The following MICAL3 variants were observed in gnomAD, a reference collection of about 807,000 sequenced individuals.
MICAL3 encodes the protein microtubule associated monooxygenase, calponin and LIM domain containing 3.
In MICAL3, 62 loss-of-function variants were observed where a neutral mutation model predicts 207.4. The ratio of observed to expected loss-of-function variants is 0.30; its 90% CI spans 0.24 to 0.37. MICAL3 has a LOEUF of 0.37. Ranked by LOEUF, MICAL3 falls within the 10% of genes least tolerant of loss-of-function variation. The pLI is 1.00. For missense variants in MICAL3, 2,368 were observed against 2,635.6 expected, an observed-to-expected ratio of 0.90 and a Z score of 2.22; for synonymous variants, 1,077 against 1,069.3, an observed-to-expected ratio of 1.01 and a Z score of -0.14.
chr22:18,017,485 G>A (rs1407555789), intron 1 of MICAL3, among the ~76,000 whole-genome samples: 1 of 152,024 alleles, frequency 6.6e-6, no homozygotes, highest in African/African-American at 2.4e-5. Context: ...AAAGTGCTGG[G>A]ATTACAGGCA....
intron 1 of MICAL3, among the ~76,000 whole-genome samples, chr22:17,988,955 C>T (rs905053081): frequency 6.6e-6 from 1 of 152,172 alleles, no homozygotes; most frequent in African/African-American, 2.4e-5. Context: ...GTCCAACCAG[C>T]TCATGGAACC....
intron 1 of MICAL3, among the ~76,000 whole-genome samples, chr22:17,934,736 A>C (rs1933435418): frequency 6.6e-6 from 1 of 152,232 alleles, no homozygotes; most frequent in African/African-American, 2.4e-5. Context: ...AATCTCCTTA[A>C]GCTGATAAGC....
At chr22:18,008,016 G>A (rs1293892034) in intron 1 of MICAL3, among the ~76,000 whole-genome samples, 1 of 151,462 alleles carries the variant, frequency 6.6e-6, no homozygotes, top group Non-Finnish European at 1.5e-5. Flanking sequence ...TGAAGCAGGT[G>A]GATCACTTGA....
intron 19 of MICAL3, among the ~76,000 whole-genome samples, chr22:17,859,054 A>G (rs1175231423): frequency 6.6e-6 from 1 of 152,170 alleles, no homozygotes; most frequent in East Asian, 1.9e-4. Context: ...GAGGCTACAG[A>G]CCTGGGGGGC....
chr22:17,828,390 G>A (rs1218582547), intron 21 of MICAL3, among the ~76,000 whole-genome samples: 1 of 152,242 alleles, frequency 6.6e-6, no homozygotes, highest in African/African-American at 2.4e-5. Flanking sequence ...TTCTGCAGCT[G>A]GAGCTGCTGC....
At chr22:17,808,734 C>T (rs1254916379) in intron 29 of MICAL3, 110 bp downstream of exon 29, 1 of 863,786 alleles carries the variant, frequency 1.2e-6, no homozygotes, top group East Asian at 2.7e-5. Context: ...CCCAGAAAAT[C>T]CTGCTGGAAA....
intron 1 of MICAL3, among the ~76,000 whole-genome samples, chr22:17,965,150 A>G (rs2146394852): frequency 7.0e-6 from 1 of 143,480 alleles, no homozygotes; most frequent in Admixed American, 7.6e-5. Context: ...AGAGTTTGAG[A>G]CCAGCCTGGG....
rs539665767 is a variant in MICAL3 at position 17,865,601 on chromosome 22, C to T, written c.2517+323G>A. Among the ~76,000 whole-genome samples, 430 of 152,356 alleles carry T rather than the reference C, an allele frequency of 2.8e-3. 2 individuals carry two copies. Among genetic ancestry groups the T allele is most frequent in the African/African-American group, 9.3e-3 (387 of 41,582 alleles). On this transcript the variant is annotated intron_variant, in intron 18 of 31. Coordinates refer to ENST00000441493, the MANE Select transcript of MICAL3 (RefSeq NM_015241.3). ...TCTAATCATGTGGAACATGAGGCGG[C>T]ATCACCCCAGTGGCAGGGTGTCCTC... is the stretch of plus-strand genomic sequence containing the variant.
chr22:17,966,763 G>A (rs1426746596), intron 1 of MICAL3, among the ~76,000 whole-genome samples: 1 of 152,202 alleles, frequency 6.6e-6, no homozygotes, highest in Admixed American at 6.5e-5. Flanking sequence ...AATGGTCCAT[G>A]AGTAATTATT....
chr22:18,011,652 C>A (rs1468968341), intron 1 of MICAL3, among the ~76,000 whole-genome samples: 1 of 151,610 alleles, frequency 6.6e-6, no homozygotes, highest in African/African-American at 2.4e-5. Flanking sequence ...AGGCAGATCA[C>A]GAGGTCAGGA....
At chr22:17,996,649 A>G (rs1922312398) in intron 1 of MICAL3, among the ~76,000 whole-genome samples, 1 of 152,064 alleles carries the variant, frequency 6.6e-6, no homozygotes, top group South Asian at 2.1e-4. Context: ...GTCTGACACC[A>G]CCCATCACCC....
intron 3 of MICAL3, 99 bp downstream of exon 3, chr22:17,904,533 G>A: frequency 1.1e-6 from 1 of 886,146 alleles, no homozygotes; most frequent in Non-Finnish European, 1.9e-6. Context: ...AAGAAATTGG[G>A]TGGCATATGA....
Position 17,883,019 on chromosome 22 carries a change from T to TG in MICAL3, c.2241+2858dup, listed in dbSNP as rs1367206296. Among the ~76,000 whole-genome samples, 15 of 152,300 alleles carry TG rather than the reference T, an allele frequency of 9.8e-5. No individual in the cohort carries two copies. The East Asian group carries it at 2.9e-3, about 29-fold the overall frequency. On this transcript the variant is annotated intron_variant, in intron 16 of 31. Transcript: ENST00000441493. ...TTCCCCCACTCGCCTATGTCACTCC[T>TG]GACCTCCCTCTCCCTCTGCTCCTCC...
At chr22:17,806,545 T>TA (rs924971377) in intron 29 of MICAL3, among the ~76,000 whole-genome samples, 19 of 152,174 alleles carry the variant, frequency 1.2e-4, no homozygotes, top group Admixed American at 3.3e-4. Context: ...AGTAAGCTGT[T>TA]AAAAAAACCA....
intron 29 of MICAL3, among the ~76,000 whole-genome samples, chr22:17,800,395 AG>A (rs1158052656): frequency 6.6e-6 from 1 of 152,208 alleles, no homozygotes; most frequent in Non-Finnish European, 1.5e-5. Flanking sequence ...GGCAGAAGAA[AG>A]AAGGGGAGTG....
At chr22:17,989,810 T>C (rs777938398) in intron 1 of MICAL3, among the ~76,000 whole-genome samples, 3 of 152,234 alleles carry the variant, frequency 2.0e-5, no homozygotes, top group Non-Finnish European at 4.4e-5. Context: ...TGACAACGCA[T>C]ATAAAGCTTC....
At chr22:17,861,853 C>T (rs1382630891) in intron 19 of MICAL3, 2 of 985,306 alleles carry the variant, frequency 2.0e-6, no homozygotes, top group East Asian at 1.1e-4. Flanking sequence ...GATTTGGTTA[C>T]CAGAGAAAGA....
chr22:17,801,934 C>CA (rs1053732265), intron 29 of MICAL3, among the ~76,000 whole-genome samples: 5 of 151,754 alleles, frequency 3.3e-5, no homozygotes, highest in African/African-American at 1.2e-4. Context: ...ACAAAAAACC[C>CA]AAAAAACAAA....
At chr22:17,795,456 G>A (rs577237256) in intron 29 of MICAL3, among the ~76,000 whole-genome samples, 7 of 152,336 alleles carry the variant, frequency 4.6e-5, no homozygotes, top group Non-Finnish European at 8.8e-5. Flanking sequence ...AGAGGCAGGC[G>A]CCTGCACGGG....
Sources: gnomAD v4.1 joint callset for allele counts (sites outside exome capture counted in the v4.1 genomes callset) on GRCh38, gnomAD v4.1.1 for gene constraint, MANE v1.5 for transcripts, NCBI Gene and HGNC (gene_info 2026-07-23, HGNC 2026-07-21) for gene names.